The following MMP20 variants were observed in gnomAD, a reference collection of about 807,000 sequenced individuals.
MMP20 encodes matrix metalloproteinase-20.
MMP20 carries 50 observed loss-of-function variants against 51.8 expected under a neutral mutation model. That is an observed-to-expected ratio of 0.97 (90% CI 0.77 to 1.22). The LOEUF (loss-of-function observed/expected upper bound fraction) is 1.22. Ranked by LOEUF, MMP20 falls within the 50% of genes most tolerant of loss-of-function variation. The pLI is 0.00. For missense variants in MMP20, 663 were observed against 601.4 expected, an observed-to-expected ratio of 1.10 and a Z score of -1.07; for synonymous variants, 244 against 216.2, an observed-to-expected ratio of 1.13 and a Z score of -1.13.
chr11:102,611,749 C>T lies in MMP20; in HGVS notation c.523+6G>A. 1.9e-6 allele frequency: 3 copies of T among 1,613,662 alleles called. No homozygotes were observed. Among genetic ancestry groups the T allele is most frequent in the Non-Finnish European group, 2.5e-6 (3 of 1,179,986 alleles). ...ATTAGTAGATGGAATCCAAGTACCA[C>T]AATACCTCCATTTTCAAAAGATATC... On this transcript the variant is annotated splice_donor_region_variant and intron_variant, in intron 3 of 9. Transcript: ENST00000260228.
At chr11:102,616,377 CTGTTCACCT>C (rs1859670437) in intron 2 of MMP20, among the ~76,000 whole-genome samples, 1 of 152,160 alleles carries the variant, frequency 6.6e-6, no homozygotes. Context: ...GAAAGTTGAC[CTGTTCACCT>C]TTATAACCCT....
At chr11:102,604,202 T>C (rs1190763435) in intron 6 of MMP20, among the ~76,000 whole-genome samples, 6 of 152,178 alleles carry the variant, frequency 3.9e-5, no homozygotes, top group African/African-American at 1.2e-4. Context: ...CTACATGCTA[T>C]TTCAGTGTCT....
At chr11:102,594,907 T>TA in intron 6 of MMP20, 150 bp from the exon 7 acceptor site, 1 of 816,384 alleles carries the variant, frequency 1.2e-6, no homozygotes, top group Non-Finnish European at 1.7e-6. Flanking sequence ...TTTTCTCTTT[T>TA]CTTTTTTTTT....
chr11:102,584,846 A>T (rs1224721310), intron 8 of MMP20, among the ~76,000 whole-genome samples: 3 of 152,136 alleles, frequency 2.0e-5, no homozygotes, highest in African/African-American at 7.2e-5. Context: ...GCATGTGGCT[A>T]TCCACTCCTT....
In MMP20 at chr11:102,579,148, A is replaced by G. The variant is rs1244187452; in HGVS notation, c.1248-6T>C. On this transcript the variant is annotated splice_region_variant and splice_polypyrimidine_tract_variant and intron_variant, in intron 8 of 9. Coordinates refer to ENST00000260228, the MANE Select transcript of MMP20 (RefSeq NM_004771.4). ...TCCTTTTCCTTTCGTCGTAGCTAGA[A>G]AAAGTATTATTTCATAAATAATATT... The G allele has an allele frequency of 6.3e-7, 1 of 1,588,190 alleles. No individual in the cohort carries two copies. The highest frequency in any genetic ancestry group is 1.3e-5 in the African/African-American group (1 of 74,386).
intron 1 of MMP20, among the ~76,000 whole-genome samples, chr11:102,624,532 G>A (rs1288418802): frequency 6.6e-6 from 1 of 150,444 alleles, no homozygotes; most frequent in African/African-American, 2.4e-5. Context: ...CAGTCATAGA[G>A]GAGAGATCTC....
At position 102,606,629 on chromosome 11, in the gene MMP20, G is replaced by C. The variant is rs1859520958; in HGVS notation, c.859C>G (p.His287Asp). The C allele has an allele frequency of 6.2e-7, 1 of 1,613,756 alleles. No homozygotes were observed. The highest frequency in any genetic ancestry group is 1.7e-5 in the Admixed American group (1 of 59,988). The change falls in exon 6 of 10, where the codon CAT becomes GAT. Residue 287 changes from histidine to aspartate, a missense_variant. Coordinates refer to ENST00000260228, the MANE Select transcript of MMP20 (RefSeq NM_004771.4). ...AGGTCAGGGATGGATGGCTTGTGATGGGGGGCATGGGGCAGAGTGGGCTTC... is the reference window on the plus strand; with the variant it reads ...AGGTCAGGGATGGATGGCTTGTGATCGGGGGCATGGGGCAGAGTGGGCTTC... Reference protein sequence around the residue: ...LGKPTLPHAPHHKPSIPDLCD... With the variant: ...LGKPTLPHAPDHKPSIPDLCD...
intron 1 of MMP20, 49 bp from the exon 2 acceptor site, chr11:102,617,108 A>C: frequency 6.2e-7 from 1 of 1,612,014 alleles, no homozygotes; most frequent in Non-Finnish European, 8.5e-7. Context: ...TCTGGGAAAT[A>C]CTCATGCTCA....
rs200903478 is a variant in MMP20 at position 102,579,135 on chromosome 11, C to T, written c.1255G>A (p.Glu419Lys). The T allele has an allele frequency of 5.0e-5, 81 of 1,608,676 alleles. No individual in the cohort carries two copies. The highest frequency in any genetic ancestry group is 2.4e-4 in the South Asian group (22 of 90,908). The stretch of plus-strand genomic sequence containing the variant: ...TCTTTTTCCATTTTCCTTTTCCTTT[C>T]GTCGTAGCTAGAAAAAGTATTATTT... ...FVGDEYYSYDERKRKMEKDYP... is the reference protein window; with the variant it reads ...FVGDEYYSYDKRKRKMEKDYP... Residue 419 changes from glutamate (E) to lysine (K), a missense_variant, in exon 9 of 10, where the codon GAA becomes AAA. By Grantham distance (56) the Glu-to-Lys change is moderately conservative. Transcript: ENST00000260228.
At chr11:102,578,957 A>G in intron 9 of MMP20, 82 bp downstream of exon 9, 1 of 1,038,274 alleles carries the variant, frequency 9.6e-7, no homozygotes, top group Non-Finnish European at 1.5e-6. Context: ...CCACTTGGAA[A>G]TCCACTTTCT....
intron 2 of MMP20, among the ~76,000 whole-genome samples, chr11:102,612,707 C>T (rs112119247): frequency 4.7e-5 from 7 of 149,644 alleles, no homozygotes; most frequent in African/African-American, 1.7e-4. Flanking sequence ...CAGAATAATG[C>T]ATTCTTTTCT....
intron 6 of MMP20, among the ~76,000 whole-genome samples, chr11:102,595,838 A>G (rs959075433): frequency 1.3e-5 from 2 of 152,222 alleles, no homozygotes; most frequent in African/African-American, 2.4e-5. Context: ...ATTTTTTATA[A>G]AACACGAATA....
At chr11:102,603,071 C>T (rs1032974552) in intron 6 of MMP20, among the ~76,000 whole-genome samples, 1 of 152,200 alleles carries the variant, frequency 6.6e-6, no homozygotes, top group East Asian at 1.9e-4. Flanking sequence ...CGTTTATACA[C>T]TATGGAGAAT....
At chr11:102,611,286 C>T (rs1859595712) in intron 3 of MMP20, among the ~76,000 whole-genome samples, 1 of 152,142 alleles carries the variant, frequency 6.6e-6, no homozygotes. Context: ...CAAGTGTGGG[C>T]AAGACAGAAA....
intron 8 of MMP20, among the ~76,000 whole-genome samples, chr11:102,591,265 T>G (rs979195405): frequency 1.3e-5 from 2 of 152,188 alleles, no homozygotes; most frequent in African/African-American, 2.4e-5. Context: ...GTGCGTAAAG[T>G]AGAAGACTGC....
At chr11:102,618,118 G>A (rs180849435) in intron 1 of MMP20, among the ~76,000 whole-genome samples, 172 of 152,156 alleles carry the variant, frequency 1.1e-3, no homozygotes, top group Admixed American at 2.0e-3. Context: ...GTAAATAGTT[G>A]TTATACTGTA....
intron 5 of MMP20, 26 bp downstream of exon 5, chr11:102,608,911 G>C (rs372276915): frequency 3.1e-6 from 5 of 1,611,554 alleles, no homozygotes; most frequent in Non-Finnish European, 4.2e-6. Flanking sequence ...TTCAGGGTGA[G>C]TCATCAAAGA....
chr11:102,584,711 C>T (rs954019737), intron 8 of MMP20, among the ~76,000 whole-genome samples: 1 of 151,992 alleles, frequency 6.6e-6, no homozygotes, highest in African/African-American at 2.4e-5. Flanking sequence ...TCCAAGATCA[C>T]GAAGATTTAT....
At position 102,606,634 on chromosome 11, in the gene MMP20, G is replaced by C. The variant is rs747943008; in HGVS notation, c.854C>G (p.Ala285Gly). 5.0e-6 allele frequency: 8 copies of C among 1,613,926 alleles called. No homozygotes were observed. The highest frequency in any genetic ancestry group is 3.3e-4 in the Middle Eastern group (2 of 6,062). Residue 285 changes from alanine to glycine, a missense_variant, in exon 6 of 10, where the codon GCC becomes GGC. Coordinates refer to ENST00000260228, the MANE Select transcript of MMP20 (RefSeq NM_004771.4). The stretch of plus-strand genomic sequence containing the variant: ...AGGGATGGATGGCTTGTGATGGGGG[G>C]CATGGGGCAGAGTGGGCTTCCCCAG... ...VFLGKPTLPH[A>G]PHHKPSIPDL...
Sources: gnomAD v4.1 joint callset for allele counts (sites outside exome capture counted in the v4.1 genomes callset) on GRCh38, gnomAD v4.1.1 for gene constraint, MANE v1.5 for transcripts, NCBI Gene and HGNC (gene_info 2026-07-23, HGNC 2026-07-21) for gene names.